TMEM132C: variants seen among roughly 807,000 people sequenced by gnomAD.
TMEM132C encodes the protein transmembrane protein 132C.
TMEM132C carries 29 observed loss-of-function variants against 61.4 expected under a neutral mutation model. The ratio of observed to expected loss-of-function variants is 0.47; its 90% CI spans 0.35 to 0.64. The LOEUF (loss-of-function observed/expected upper bound fraction) is 0.64, where lower values mean the gene tolerates loss of function less well. Ranked by LOEUF, TMEM132C falls within the 30% of genes least tolerant of loss-of-function variation. The pLI, the probability that TMEM132C is intolerant of heterozygous loss-of-function variation, is 0.00. For missense variants in TMEM132C, 1,408 were observed against 1,476.9 expected (o/e 0.95, Z 0.76); for synonymous variants, 656 against 633.1 (o/e 1.04, Z -0.54).
intron 2 of TMEM132C, among the ~76,000 whole-genome samples, chr12:128,427,049 A>G (rs552167421): frequency 4.6e-5 from 7 of 152,252 alleles, no homozygotes; most frequent in African/African-American, 1.7e-4. Context: ...GATTTCAGAA[A>G]CATGCTGGGT....
At chr12:128,347,407 C>G (rs1025412987) in intron 1 of TMEM132C, among the ~76,000 whole-genome samples, 6 of 134,148 alleles carry the variant, frequency 4.5e-5, no homozygotes, top group South Asian at 4.5e-4. Flanking sequence ...GTCTCTCTCT[C>G]TCTCTCTCTC....
At chr12:128,271,082 C>G (rs972467705) in intron 1 of TMEM132C, among the ~76,000 whole-genome samples, 1 of 151,754 alleles carries the variant, frequency 6.6e-6, no homozygotes, top group Non-Finnish European at 1.5e-5. Context: ...GGTGAAACCC[C>G]ATCTCTACTA....
intron 4 of TMEM132C, among the ~76,000 whole-genome samples, chr12:128,640,710 G>T (rs1382399487): frequency 1.3e-5 from 2 of 152,114 alleles, no homozygotes; most frequent in Non-Finnish European, 2.9e-5. Context: ...TAGGTAACAT[G>T]GCAAAACCTC....
chr12:128,561,482 T>C (rs1874517011), intron 3 of TMEM132C, among the ~76,000 whole-genome samples: 1 of 152,192 alleles, frequency 6.6e-6, no homozygotes, highest in African/African-American at 2.4e-5. Context: ...AGCAGCCTGA[T>C]TGGAAGGTCT....
At chr12:128,703,610 A>G (rs1191426230) in intron 8 of TMEM132C, among the ~76,000 whole-genome samples, 2 of 152,204 alleles carry the variant, frequency 1.3e-5, no homozygotes, top group Non-Finnish European at 2.9e-5. Context: ...TCTAAGCACA[A>G]AGTGGAGAGC....
rs140061933 is a variant in TMEM132C at position 128,587,554 on chromosome 12, G to A, written c.1122-28598G>A. Among the ~76,000 whole-genome samples the A allele has an allele frequency of 2.2e-3, 331 of 152,324 alleles. 2 individuals carry two copies. The highest frequency in any genetic ancestry group is 3.6e-3 in the Non-Finnish European group (244 of 68,024). ...CAGTGAAGGCACAAACATTCAGACC[G>A]TAGCAGATGACTTTATGTGGATCAT... On this transcript the variant is annotated intron_variant, in intron 3 of 8. Coordinates refer to ENST00000435159, the MANE Select transcript of TMEM132C (RefSeq NM_001136103.3).
intron 3 of TMEM132C, among the ~76,000 whole-genome samples, chr12:128,609,905 C>T (rs1391253732): frequency 6.6e-6 from 1 of 152,226 alleles, no homozygotes; most frequent in East Asian, 1.9e-4. Context: ...TTGTAGCCTT[C>T]CTTTGCTCCC....
intron 2 of TMEM132C, among the ~76,000 whole-genome samples, chr12:128,475,817 G>A (rs966181050): frequency 1.3e-5 from 2 of 152,162 alleles, no homozygotes; most frequent in African/African-American, 2.4e-5. Context: ...AGTCCTGTAC[G>A]AGGTAGACCC....
rs1871875428 is a variant in TMEM132C, at chr12:128,308,875, C to T, written c.85+41388C>T. On this transcript the variant is annotated intron_variant, in intron 1 of 8. Transcript: ENST00000435159. The stretch of plus-strand genomic sequence containing the variant: ...CTGTGAACTAATTAGCTCTCCGGTT[C>T]AGTTACCTTCTCTCCCTTGGTTTCC... 2.0e-5 allele frequency among the ~76,000 whole-genome samples: 3 copies of T among 152,182 alleles called. No homozygotes were observed. In the South Asian group the frequency reaches 6.2e-4, roughly 32 times the overall value.
At chr12:128,275,432 C>T (rs1470982855) in intron 1 of TMEM132C, among the ~76,000 whole-genome samples, 2 of 152,172 alleles carry the variant, frequency 1.3e-5, no homozygotes, top group Non-Finnish European at 2.9e-5. Context: ...TGATCTGTCA[C>T]TGTCCACCAC....
intron 1 of TMEM132C, among the ~76,000 whole-genome samples, chr12:128,270,966 G>A (rs1330067087): frequency 6.6e-6 from 1 of 151,808 alleles, no homozygotes; most frequent in Non-Finnish European, 1.5e-5. Flanking sequence ...TAAAAATTGT[G>A]AGAGTTGGTC....
intron 1 of TMEM132C, among the ~76,000 whole-genome samples, chr12:128,408,530 C>T (rs988438887): frequency 8.5e-5 from 13 of 152,080 alleles, no homozygotes; most frequent in African/African-American, 2.2e-4. Context: ...GGATAAATAC[C>T]TCAAAATAAA....
intron 3 of TMEM132C, among the ~76,000 whole-genome samples, chr12:128,590,401 AC>A (rs1875708279): frequency 6.6e-6 from 1 of 152,160 alleles, no homozygotes; most frequent in Admixed American, 6.6e-5. Flanking sequence ...TAATTCAGAA[AC>A]TGTGCAGGTG....
At chr12:128,378,580 C>G (rs867950396) in intron 1 of TMEM132C, among the ~76,000 whole-genome samples, 7 of 152,300 alleles carry the variant, frequency 4.6e-5, no homozygotes, top group South Asian at 4.1e-4. Context: ...CTAATTGGCA[C>G]TTTTACAGTG....
intron 4 of TMEM132C, among the ~76,000 whole-genome samples, chr12:128,660,980 T>C (rs1400461292): frequency 1.3e-5 from 2 of 151,968 alleles, no homozygotes; most frequent in Non-Finnish European, 1.5e-5. Flanking sequence ...AGAGGTAAGA[T>C]AGATAATACA....
intron 1 of TMEM132C, among the ~76,000 whole-genome samples, chr12:128,363,622 G>A (rs543471319): frequency 6.6e-5 from 10 of 152,076 alleles, no homozygotes; most frequent in East Asian, 3.9e-4. Flanking sequence ...CTGAGGGGGC[G>A]GATCACGAGG....
At chr12:128,422,934 G>C (rs1396674485) in intron 2 of TMEM132C, among the ~76,000 whole-genome samples, 5 of 152,170 alleles carry the variant, frequency 3.3e-5, no homozygotes, top group Non-Finnish European at 7.3e-5. Flanking sequence ...AGATATCTGG[G>C]TGGTCTGTGG....
At chr12:128,690,889 A>C (rs1416232145) in intron 5 of TMEM132C, among the ~76,000 whole-genome samples, 1 of 152,310 alleles carries the variant, frequency 6.6e-6, no homozygotes, top group East Asian at 1.9e-4. Flanking sequence ...CTCTCCAAAC[A>C]GAAGTGCAAG....
intron 4 of TMEM132C, among the ~76,000 whole-genome samples, chr12:128,657,649 G>A (rs77684539): frequency 0.018 from 2,727 of 152,286 alleles, 84 homozygotes; most frequent in African/African-American, 0.061. Context: ...GTTCCTCTGT[G>A]TCTGCATGTG....
Sources: allele counts gnomAD v4.1 joint callset (sites outside exome capture counted in the v4.1 genomes callset), GRCh38; gene constraint gnomAD v4.1.1; transcripts MANE v1.5; gene names NCBI Gene and HGNC (gene_info 2026-07-23, HGNC 2026-07-21).